Variants in PEG3 observed in about 807,000 individuals in gnomAD.
PEG3 encodes the protein paternally expressed 3.
Under a neutral mutation model 35.5 loss-of-function variants are expected in PEG3, and 23 were observed. The ratio of observed to expected loss-of-function variants is 0.65; its 90% CI spans 0.47 to 0.92. The LOEUF (loss-of-function observed/expected upper bound fraction) is 0.92. Ranked by LOEUF, PEG3 falls within the 40% of genes least tolerant of loss-of-function variation. PEG3 has a pLI of 0.00. For missense variants in PEG3, 1,960 were observed against 1,985.3 expected, an observed-to-expected ratio of 0.99 and a Z score of 0.24; for synonymous variants, 707 against 697.0, an observed-to-expected ratio of 1.01 and a Z score of -0.23.
chr19:56,834,963 C>T (rs749505456), intron 2 of PEG3, among the ~76,000 whole-genome samples: 1 of 152,200 alleles, frequency 6.6e-6, no homozygotes, highest in Non-Finnish European at 1.5e-5. Flanking sequence ...AAACAGACAA[C>T]CTCTAGCTAT....
At position 56,816,526 on chromosome 19, in the gene PEG3, C is replaced by T. The variant is rs755642249; in HGVS notation, c.1916G>A (p.Ser639Asn). 4 of 1,613,624 alleles carry T rather than the reference C, an allele frequency of 2.5e-6. No individual in the cohort carries two copies. The East Asian group carries it at 8.9e-5, about 36-fold the overall frequency. ...TTTCTGATGTTCTTTCAGGGATGAG[C>T]TATGAAGGAAAGTCTCCCCACACAC... ...CKVCGETFLH[S>N]SSLKEHQKIH... Residue 639 changes from serine to asparagine, a missense_variant, in exon 10 of 10, where the codon AGC (serine) becomes AAC (asparagine). Physicochemically the swap from Ser to Asn is conservative, Grantham distance 46. This residue lies in a region of PEG3 where 798 missense variants were observed against 782.4 expected (regional missense o/e 1.02). Coordinates refer to ENST00000326441, the MANE Select transcript of PEG3 (RefSeq NM_006210.3).
In PEG3 at chr19:56,839,794, C is replaced by T. The variant is rs553030912; in HGVS notation, c.-250+788G>A. Among the ~76,000 whole-genome samples, 342 of 152,230 alleles carry T rather than the reference C, an allele frequency of 2.2e-3. 1 individual carries two copies. The highest frequency in any genetic ancestry group is 8.0e-3 in the African/African-American group (331 of 41,554). On this transcript the variant is annotated intron_variant, in intron 1 of 9. Transcript: ENST00000326441. ...ACAGCGCCTGCGCGGCAAACCTCAG[C>T]CACCCTCATAAAAGATGGCACCCAG...
At position 56,817,537 on chromosome 19, in the gene PEG3, C is replaced by G; in HGVS notation, c.905G>C (p.Arg302Pro). The change falls in exon 10 of 10, where the codon CGG becomes CCG. Residue 302 changes from arginine to proline, a missense_variant. Physicochemically the swap from Arg to Pro is moderately radical, Grantham distance 103. Transcript: ENST00000326441. ...GGAAGATTCATCTTCACAAATCCCC[C>G]GCCGGTGGGTTGATTTTTTGGCTTC... ...MPEAKKSTHR[R>P]GICEDESSHG... 6.3e-7 allele frequency: 1 copy of G among 1,599,228 alleles called. No individual in the cohort carries two copies. The highest frequency in any genetic ancestry group is 8.5e-7 in the Non-Finnish European group (1 of 1,172,008).
Position 56,827,919 on chromosome 19 carries a change from T to C in PEG3, c.-162-1456A>G, listed in dbSNP as rs563066128. On this transcript the variant is annotated intron_variant, in intron 2 of 9. Coordinates refer to ENST00000326441, the MANE Select transcript of PEG3 (RefSeq NM_006210.3). ...GACTATTAATGATGACTAATCGCAA[T>C]TGCCTCTGGGGAAGGGAACTAGGGG... Among the ~76,000 whole-genome samples, 267 of 152,312 alleles carry C rather than the reference T, an allele frequency of 1.8e-3. 2 individuals carry two copies. The highest frequency in any genetic ancestry group is 6.1e-3 in the African/African-American group (253 of 41,560).
At position 56,814,733 on chromosome 19, in the gene PEG3, TATGA is replaced by T. The variant is rs1401712800; in HGVS notation, c.3705_3708del (p.His1236AlafsTer8). On this transcript the variant is annotated frameshift_variant, in exon 10 of 10. Transcript: ENST00000326441. LOFTEE classifies it low-confidence loss of function (END_TRUNC). This position sits in a 1 kb window ranked among gnomAD's most constrained non-coding sequence, Gnocchi z 5.8. The stretch of plus-strand genomic sequence containing the variant: ...CTCATATGCTCATTAAGGGCAGAGC[TATGA>T]ATGAAGCCTTGTCCACACAAAAGGC... 1.2e-6 allele frequency: 2 copies of T among 1,614,018 alleles called. No individual in the cohort carries two copies. Among genetic ancestry groups the T allele is most frequent in the Non-Finnish European group, 1.7e-6 (2 of 1,180,026 alleles).
At chr19:56,818,503 T>C (rs2060191184) in intron 8 of PEG3, 97 bp downstream of exon 8, 1 of 1,252,602 alleles carries the variant, frequency 8.0e-7, no homozygotes, top group Non-Finnish European at 1.1e-6. Flanking sequence ...AGTCCAAATA[T>C]ATTAATGTGG....
Position 56,811,858 on chromosome 19 carries a change from T to G in PEG3, c.*1817A>C. ...AACCTGGCCTTCTACAGTTCTTGCC[T>G]CTGGTGTTTTCTTCTGTCTGTCTCC... On this transcript the variant is annotated 3_prime_UTR_variant, in exon 10 of 10. Coordinates refer to ENST00000326441, the MANE Select transcript of PEG3 (RefSeq NM_006210.3). 2.0e-6 allele frequency: 2 copies of G among 985,530 alleles called. No individual in the cohort carries two copies. The highest frequency in any genetic ancestry group is 5.2e-4 in the Middle Eastern group (1 of 1,916). The allele number at this position is 985,530 out of a possible 1,614,324, so 61.0% of individuals were successfully genotyped here. A position where few individuals can be genotyped will look rare whatever the true frequency, so the allele number is the denominator to read the frequency against.
rs1184525564 is a variant in PEG3 at position 56,810,105 on chromosome 19, T to G, written c.*3570A>C. On this transcript the variant is annotated 3_prime_UTR_variant, in exon 10 of 10. Coordinates refer to ENST00000326441, the MANE Select transcript of PEG3 (RefSeq NM_006210.3). ...TATTTATTTTTAACTTTATTTTTAT[T>G]GTTGACACTATTACAGATAGAATGA... 2 of 927,436 alleles carry G rather than the reference T, an allele frequency of 2.2e-6. No individual in the cohort carries two copies. The highest frequency in any genetic ancestry group is 2.3e-4 in the East Asian group (2 of 8,568). 57.5% of individuals were successfully genotyped at this position (927,436 alleles called of 1,614,324 possible).
chr19:56,823,541 G>T, intron 5 of PEG3, 52 bp downstream of exon 5: 1 of 1,610,102 alleles, frequency 6.2e-7, no homozygotes, highest in Non-Finnish European at 8.5e-7. Context: ...CCATCTGGAA[G>T]CATCTGGCAG....
chr19:56,829,389 T>C (rs1040509279), intron 2 of PEG3, among the ~76,000 whole-genome samples: 1 of 151,858 alleles, frequency 6.6e-6, no homozygotes, highest in Non-Finnish European at 1.5e-5. Context: ...GTTTAACCTT[T>C]GTATGTACAG....
At position 56,840,710 on chromosome 19, in the gene PEG3, G is replaced by C. The variant is rs2062922314; in HGVS notation, c.-378C>G. The C allele has an allele frequency of 6.6e-6, 1 of 152,612 alleles. No homozygotes were observed. The highest frequency in any genetic ancestry group is 2.1e-4 in the South Asian group (1 of 4,838). 9.5% of individuals were successfully genotyped at this position (152,612 alleles called of 1,614,324 possible). On this transcript the variant is annotated 5_prime_UTR_variant, in exon 1 of 10. Transcript: ENST00000326441. The stretch of plus-strand genomic sequence containing the variant: ...CGCCTCCCAAACCTCTCCTCCCGCA[G>C]CTGCCCAGACTTCTGCACCGAGGTG...
At chr19:56,821,865 G>C in intron 6 of PEG3, 111 bp from the exon 7 acceptor site, 1 of 1,169,068 alleles carries the variant, frequency 8.6e-7, no homozygotes. Context: ...ATGAGAGCAA[G>C]TGCCTTTCTC....
chr19:56,822,449 AG>A, intron 6 of PEG3: 1 of 325,120 alleles, frequency 3.1e-6, no homozygotes, highest in Non-Finnish European at 5.6e-6. Flanking sequence ...ACTTCATACT[AG>A]TTTTCAATTT....
chr19:56,817,550 A>AT lies in PEG3; in HGVS notation c.891dup (p.Ser298IlefsTer9). The AT allele has an allele frequency of 6.3e-7, 1 of 1,595,964 alleles. No homozygotes were observed. Among genetic ancestry groups the AT allele is most frequent in the Non-Finnish European group, 8.5e-7 (1 of 1,170,062 alleles). On this transcript the variant is annotated frameshift_variant, in exon 10 of 10. Transcript: ENST00000326441. LOFTEE classifies it low-confidence loss of function (END_TRUNC). The stretch of plus-strand genomic sequence containing the variant: ...TCACAAATCCCCCGCCGGTGGGTTG[A>AT]TTTTTTGGCTTCAGGCATAGTTTTT...
chr19:56,810,762 A>G lies in PEG3; in HGVS notation c.*2913T>C. On this transcript the variant is annotated 3_prime_UTR_variant, in exon 10 of 10. Transcript: ENST00000326441. Reference sequence around the variant, plus strand: ...TGTTATCACAAGCGTGTGCACTGAAACAAGATAGAGGAAACAGATCAAGAT... The same window carrying G: ...TGTTATCACAAGCGTGTGCACTGAAGCAAGATAGAGGAAACAGATCAAGAT... The G allele has an allele frequency of 1.0e-6, 1 of 983,544 alleles. No individual in the cohort carries two copies. The highest frequency in any genetic ancestry group is 6.1e-5 in the Admixed American group (1 of 16,282). 60.9% of individuals were successfully genotyped at this position (983,544 alleles called of 1,614,324 possible).
intron 1 of PEG3, among the ~76,000 whole-genome samples, chr19:56,838,314 C>T (rs1444878505): frequency 6.6e-6 from 1 of 152,180 alleles, no homozygotes; most frequent in East Asian, 1.9e-4. Context: ...CTGGGGCCGA[C>T]CCAGGTGTCA....
intron 8 of PEG3, 54 bp downstream of exon 8, chr19:56,818,546 G>T: frequency 6.3e-7 from 1 of 1,593,026 alleles, no homozygotes; most frequent in Non-Finnish European, 8.6e-7. Flanking sequence ...GGAGCAAGAT[G>T]ACAAAATGCT....
rs533030091 is a variant in PEG3, at chr19:56,824,711, C to T, written c.-56G>A. ...CAAACATGAGTCAACAGGAAAGACG[C>T]GGCAGCCTGTGACCGTCAGTACTCA... On this transcript the variant is annotated 5_prime_UTR_variant, in exon 4 of 10. Coordinates refer to ENST00000326441, the MANE Select transcript of PEG3 (RefSeq NM_006210.3). 15 of 1,509,794 alleles carry T rather than the reference C, an allele frequency of 9.9e-6. No individual in the cohort carries two copies. The highest frequency in any genetic ancestry group is 1.8e-4 in the Middle Eastern group (1 of 5,612). 93.5% of individuals were successfully genotyped at this position (1,509,794 alleles called of 1,614,324 possible). A position where few individuals can be genotyped will look rare whatever the true frequency, so the allele number is the denominator to read the frequency against.
At chr19:56,826,115 T>C (rs992434963) in intron 3 of PEG3, among the ~76,000 whole-genome samples, 1 of 152,112 alleles carries the variant, frequency 6.6e-6, no homozygotes, top group African/African-American at 2.4e-5. Context: ...GAGCACAACA[T>C]AGATAATGCT....
Sources: allele counts gnomAD v4.1 joint callset (sites outside exome capture counted in the v4.1 genomes callset), GRCh38; gene constraint gnomAD v4.1.1; regional missense constraint gnomAD v4.1.1; non-coding constraint Gnocchi (gnomAD v3.1); transcripts MANE v1.5; gene names NCBI Gene and HGNC (gene_info 2026-07-23, HGNC 2026-07-21).